The following EGFL7 variants were observed in gnomAD, a reference collection of about 807,000 sequenced individuals.
EGFL7 encodes the protein EGF like domain multiple 7, also known as epidermal growth factor-like protein 7.
Under a neutral mutation model 37.1 loss-of-function variants are expected in EGFL7, and 48 were observed. That is an observed-to-expected ratio of 1.29 (90% CI 1.03 to 1.65). The LOEUF (loss-of-function observed/expected upper bound fraction) is 1.65, where lower values mean the gene tolerates loss of function less well. Among genes scored for constraint, EGFL7 ranks in the 40% most tolerant of loss-of-function variants. The pLI is 0.00. For missense variants in EGFL7, 384 were observed against 378.9 expected (o/e 1.01, Z -0.11); for synonymous variants, 180 against 156.8 (o/e 1.15, Z -1.10).
Position 136,672,387 on chromosome 9 carries a change from T to G in EGFL7, c.*101T>G, listed in dbSNP as rs1845978947. 2.7e-6 allele frequency: 4 copies of G among 1,490,782 alleles called. No individual in the cohort carries two copies. In the East Asian group the frequency reaches 9.1e-5, roughly 34 times the overall value. 92.3% of individuals were successfully genotyped at this position (1,490,782 alleles called of 1,614,324 possible). A position where few individuals can be genotyped will look rare whatever the true frequency, so the allele number is the denominator to read the frequency against. On this transcript the variant is annotated 3_prime_UTR_variant, in exon 11 of 11. Coordinates refer to ENST00000308874, the MANE Select transcript of EGFL7 (RefSeq NM_016215.5). Reference sequence around the variant, plus strand: ...GGTCCAGAAACCACCTCGGGGTGACTGAGCGGAAGGCCAGGCAGGGCCTTC... The same window carrying G: ...GGTCCAGAAACCACCTCGGGGTGACGGAGCGGAAGGCCAGGCAGGGCCTTC...
chr9:136,669,633 C>A lies in EGFL7; in HGVS notation c.225C>A (p.Arg75=), dbSNP rs1845707680. Reference sequence around the variant, plus strand: ...CCATCTATAGGACCGCCTACCGCCGCAGCCCTGGGCTGGCCCCTGCCAGGC... The same window carrying A: ...CCATCTATAGGACCGCCTACCGCCGAAGCCCTGGGCTGGCCCCTGCCAGGC... ...YRTIYRTAYR[R]SPGLAPARPR... The change falls in exon 6 of 11, where the codon CGC becomes CGA. Residue 75 remains arginine (R), a synonymous_variant. Coordinates refer to ENST00000308874, the MANE Select transcript of EGFL7 (RefSeq NM_016215.5). 1 of 1,611,428 alleles carries A rather than the reference C, an allele frequency of 6.2e-7. No homozygotes were observed. The highest frequency in any genetic ancestry group is 8.5e-7 in the Non-Finnish European group (1 of 1,179,508).
At chr9:136,660,654 C>T (rs1166128006), upstream of EGFL7, among the ~76,000 whole-genome samples, 6 of 152,150 alleles carry the variant, frequency 3.9e-5, no homozygotes, top group African/African-American at 7.2e-5. Context: ...AGGCCCCCAG[C>T]GGGCCAAGCC....
Position 136,668,626 on chromosome 9 carries a change from G to T in EGFL7, c.150G>T (p.Gln50His). Residue 50 changes from glutamine (Q) to histidine (H), a missense_variant, in exon 5 of 11, where the codon CAG becomes CAT. Coordinates refer to ENST00000308874, the MANE Select transcript of EGFL7 (RefSeq NM_016215.5). Reference protein sequence around the residue: ...VSESFVQRVYQPFLTTCDGHR... With the variant: ...VSESFVQRVYHPFLTTCDGHR... ...AGTCGTTCGTGCAGCGTGTGTACCA[G>T]CCCTTCCTCACCACCTGCGACGGGC... is the stretch of plus-strand genomic sequence containing the variant. 1 of 1,606,978 alleles carries T rather than the reference G, an allele frequency of 6.2e-7. No individual in the cohort carries two copies.
intron 5 of EGFL7, 26 bp downstream of exon 5, chr9:136,668,699 A>C: frequency 5.0e-5 from 79 of 1,571,426 alleles, no homozygotes; most frequent in Non-Finnish European, 6.2e-5. Flanking sequence ...CACCGAGCTC[A>C]CCCAGCCCCA....
In EGFL7 at chr9:136,672,393, G is replaced by C. The variant is rs548302203; in HGVS notation, c.*107G>C. On this transcript the variant is annotated 3_prime_UTR_variant, in exon 11 of 11. Transcript: ENST00000308874. Reference sequence around the variant, plus strand: ...GAAACCACCTCGGGGTGACTGAGCGGAAGGCCAGGCAGGGCCTTCCTCCTC... The same window carrying C: ...GAAACCACCTCGGGGTGACTGAGCGCAAGGCCAGGCAGGGCCTTCCTCCTC... 6.9e-7 allele frequency: 1 copy of C among 1,446,618 alleles called. No homozygotes were observed. Among genetic ancestry groups the C allele is most frequent in the African/African-American group, 1.4e-5 (1 of 71,570 alleles). 89.6% of individuals were successfully genotyped at this position (1,446,618 alleles called of 1,614,324 possible). A position where few individuals can be genotyped will look rare whatever the true frequency, so the allele number is the denominator to read the frequency against.
In EGFL7 at chr9:136,668,689, C is replaced by T. The variant is rs1162794525; in HGVS notation, c.197+16C>T. 6.3e-7 allele frequency: 1 copy of T among 1,584,698 alleles called. No homozygotes were observed. The highest frequency in any genetic ancestry group is 8.6e-7 in the Non-Finnish European group (1 of 1,165,756). ...GCACCTACCGGTGAGTGCCCCACCACACCGAGCTCACCCAGCCCCAGCCTC... is the reference window on the plus strand; with the variant it reads ...GCACCTACCGGTGAGTGCCCCACCATACCGAGCTCACCCAGCCCCAGCCTC... On this transcript the variant is annotated intron_variant, in intron 5 of 10. Transcript: ENST00000308874.
chr9:136,661,722 G>A (rs765088437), upstream of EGFL7, among the ~76,000 whole-genome samples: 2 of 152,182 alleles, frequency 1.3e-5, no homozygotes, highest in Non-Finnish European at 2.9e-5. Context: ...CATCGCGTGT[G>A]GGTGAGGTTT....
rs1047779536 is a variant in EGFL7 at position 136,666,423 on chromosome 9, G to C, written c.-43+1638G>C. ...CGTGGGCGCTGGGGGCACGGGGACC[G>C]GACTGCTGGTCCACCTGGCGCCGCC... is the stretch of plus-strand genomic sequence containing the variant. On this transcript the variant is annotated intron_variant, in intron 3 of 10. Coordinates refer to ENST00000308874, the MANE Select transcript of EGFL7 (RefSeq NM_016215.5). This position sits in a 1 kb window ranked among gnomAD's most constrained non-coding sequence, Gnocchi z 6.8. Among the ~76,000 whole-genome samples the C allele has an allele frequency of 7.9e-5, 12 of 152,012 alleles. No individual in the cohort carries two copies. Among genetic ancestry groups the C allele is most frequent in the South Asian group, 2.1e-4 (1 of 4,830 alleles).
rs377086652 is a variant in EGFL7 at position 136,672,317 on chromosome 9, C to T, written c.*31C>T. ...CAGCGCCCCAGGCTGGACTGAGCCC[C>T]TCACGCCGCCCTGCAGCCCCCATGC... On this transcript the variant is annotated 3_prime_UTR_variant, in exon 11 of 11. Coordinates refer to ENST00000308874, the MANE Select transcript of EGFL7 (RefSeq NM_016215.5). 3.6e-4 allele frequency: 578 copies of T among 1,613,002 alleles called. 2 individuals are homozygous for T. In the African/African-American group the frequency reaches 6.8e-3, roughly 19 times the overall value.
At position 136,672,437 on chromosome 9, in the gene EGFL7, G is replaced by T. The variant is rs11558192; in HGVS notation, c.*151G>T. 1 of 919,906 alleles carries T rather than the reference G, an allele frequency of 1.1e-6. No homozygotes were observed. Among genetic ancestry groups the T allele is most frequent in the African/African-American group, 1.7e-5 (1 of 59,828 alleles). The allele number at this position is 919,906 out of a possible 1,614,324, so 57.0% of individuals were successfully genotyped here. A position where few individuals can be genotyped will look rare whatever the true frequency, so the allele number is the denominator to read the frequency against. On this transcript the variant is annotated 3_prime_UTR_variant, in exon 11 of 11. Transcript: ENST00000308874. ...CCTCCTCTTCCTCCTCCCCTTCCTC[G>T]GGAGGCTCCCCAGACCCTGGCATGG...
At chr9:136,668,387 T>A in intron 4 of EGFL7, 25 bp downstream of exon 4, 1 of 1,564,140 alleles carries the variant, frequency 6.4e-7, no homozygotes, top group Non-Finnish European at 8.7e-7. Flanking sequence ...AGCCTGGGAG[T>A]GCTGGGGTGG....
intron 9 of EGFL7, among the ~76,000 whole-genome samples, chr9:136,671,602 G>A (rs1480365000): frequency 2.6e-5 from 4 of 151,130 alleles, no homozygotes; most frequent in Non-Finnish European, 5.9e-5. Flanking sequence ...GGACCCAGAC[G>A]AGACCTCCCC....
At position 136,672,051 on chromosome 9, in the gene EGFL7, C is replaced by G. The variant is rs45544036; in HGVS notation, c.762C>G (p.Ser254Arg). Reference sequence around the variant, plus strand: ...AGCTCGGCCGCATCGACTCCCTGAGCGAGCAGATTTCCTTCCTGGAGGAGC... The same window carrying G: ...AGCTCGGCCGCATCGACTCCCTGAGGGAGCAGATTTCCTTCCTGGAGGAGC... ...FQQLGRIDSL[S>R]EQISFLEEQL... is the part of the protein sequence containing the mutation. The change falls in exon 10 of 11, where the codon AGC becomes AGG. Residue 254 changes from serine (S) to arginine (R), a missense_variant. By Grantham distance (110) the Ser-to-Arg change is moderately radical. Coordinates refer to ENST00000308874, the MANE Select transcript of EGFL7 (RefSeq NM_016215.5). 2 of 1,545,996 alleles carry G rather than the reference C, an allele frequency of 1.3e-6. No individual in the cohort carries two copies. Among genetic ancestry groups the G allele is most frequent in the South Asian group, 1.2e-5 (1 of 84,128 alleles).
In EGFL7 at chr9:136,666,368, G is replaced by T. The variant is rs1203605320; in HGVS notation, c.-43+1583G>T. Among the ~76,000 whole-genome samples, 2 of 151,828 alleles carry T rather than the reference G, an allele frequency of 1.3e-5. No individual in the cohort carries two copies. Among genetic ancestry groups the T allele is most frequent in the Non-Finnish European group, 2.9e-5 (2 of 67,892 alleles). ...GGCCTCTCGCGGGTGGGGGCTGCGG[G>T]GCTGCTGCCGGGCAGGTGGGGAGGG... is the stretch of plus-strand genomic sequence containing the variant. On this transcript the variant is annotated intron_variant, in intron 3 of 10. Transcript: ENST00000308874. This position sits in a 1 kb window ranked among gnomAD's most constrained non-coding sequence, Gnocchi z 6.8.
intron 2 of EGFL7, among the ~76,000 whole-genome samples, chr9:136,663,884 G>T (rs929542112): frequency 6.6e-6 from 1 of 152,242 alleles, no homozygotes; most frequent in African/African-American, 2.4e-5. Flanking sequence ...CAGGATGGGG[G>T]CAGCGAGGGC....
chr9:136,672,463 G>C lies in EGFL7; in HGVS notation c.*177G>C. On this transcript the variant is annotated 3_prime_UTR_variant, in exon 11 of 11. Transcript: ENST00000308874. Reference sequence around the variant, plus strand: ...GGAGGCTCCCCAGACCCTGGCATGGGATGGGCTGGGATCTTCTCTGTGAAT... The same window carrying C: ...GGAGGCTCCCCAGACCCTGGCATGGCATGGGCTGGGATCTTCTCTGTGAAT... 1.4e-6 allele frequency: 1 copy of C among 724,720 alleles called. No homozygotes were observed. Among genetic ancestry groups the C allele is most frequent in the Non-Finnish European group, 2.3e-6 (1 of 439,902 alleles). 44.9% of individuals were successfully genotyped at this position (724,720 alleles called of 1,614,324 possible). A position where few individuals can be genotyped will look rare whatever the true frequency, so the allele number is the denominator to read the frequency against.
At chr9:136,662,076 A>G (rs7021233), upstream of EGFL7, among the ~76,000 whole-genome samples, 1 of 151,908 alleles carries the variant, frequency 6.6e-6, no homozygotes, top group Non-Finnish European at 1.5e-5. Flanking sequence ...AACAGGGAAG[A>G]TGAGGGTCAG....
chr9:136,660,048 AAC>A (rs1185970126), upstream of EGFL7, among the ~76,000 whole-genome samples: 1 of 152,116 alleles, frequency 6.6e-6, no homozygotes. Flanking sequence ...CATGATCCCA[AAC>A]ACACACCACC....
At chr9:136,671,499 T>A (rs935178965) in intron 9 of EGFL7, among the ~76,000 whole-genome samples, 2 of 151,952 alleles carry the variant, frequency 1.3e-5, no homozygotes, top group Non-Finnish European at 1.5e-5. Context: ...CTGGCCTGGA[T>A]CCATGCTGGG....
Sources: allele counts gnomAD v4.1 joint callset (sites outside exome capture counted in the v4.1 genomes callset), GRCh38; gene constraint gnomAD v4.1.1; non-coding constraint Gnocchi (gnomAD v3.1); transcripts MANE v1.5; gene names NCBI Gene and HGNC (gene_info 2026-07-23, HGNC 2026-07-21).